The following AGPAT5 variants were observed in gnomAD, a reference collection of about 807,000 sequenced individuals.
AGPAT5 encodes the protein 1-acyl-sn-glycerol-3-phosphate acyltransferase epsilon.
A neutral mutation model predicts 45.6 loss-of-function variants in AGPAT5; 46 were observed. That is an observed-to-expected ratio of 1.01 (90% CI 0.80 to 1.29). The LOEUF (loss-of-function observed/expected upper bound fraction) is 1.29. AGPAT5 is among the 50% of genes most tolerant of loss of function. The pLI is 0.00. For missense variants in AGPAT5, 673 were observed against 450.7 expected, an observed-to-expected ratio of 1.49 and a Z score of -4.47; for synonymous variants, 272 against 167.0, an observed-to-expected ratio of 1.63 and a Z score of -4.85.
chr8:6,740,831 C>T (rs1460159999), intron 4 of AGPAT5, among the ~76,000 whole-genome samples: 1 of 152,090 alleles, frequency 6.6e-6, no homozygotes, highest in Non-Finnish European at 1.5e-5. Context: ...GTAGTTTTCT[C>T]CCATGAGCTC....
intron 1 of AGPAT5, among the ~76,000 whole-genome samples, chr8:6,709,785 G>A (rs1204487407): frequency 6.6e-6 from 1 of 151,710 alleles, no homozygotes; most frequent in Non-Finnish European, 1.5e-5. Flanking sequence ...TATTTAGTTT[G>A]CAGTTGCACT....
chr8:6,722,265 G>T (rs866864721), intron 1 of AGPAT5, among the ~76,000 whole-genome samples: 9 of 152,278 alleles, frequency 5.9e-5, no homozygotes, highest in South Asian at 2.1e-4. Flanking sequence ...GAAGGGCAGA[G>T]AATTCTTCCT....
rs530399892 is a variant in AGPAT5, at chr8:6,760,955, G to A, written c.*3567G>A. ...CAATCGCTAATTTACTCAGTTTAGA[G>A]TAGCTACAACTCTTCGATACTATCA... is the stretch of plus-strand genomic sequence containing the variant. On this transcript the variant is annotated 3_prime_UTR_variant, in exon 8 of 8. Coordinates refer to ENST00000285518, the MANE Select transcript of AGPAT5 (RefSeq NM_018361.5). Among the ~76,000 whole-genome samples the A allele has an allele frequency of 3.0e-4, 45 of 152,260 alleles. No individual in the cohort carries two copies. The highest frequency in any genetic ancestry group is 1.0e-3 in the African/African-American group (43 of 41,538).
intron 6 of AGPAT5, among the ~76,000 whole-genome samples, chr8:6,753,355 G>T (rs993788704): frequency 2.0e-5 from 3 of 152,198 alleles, no homozygotes; most frequent in African/African-American, 7.2e-5. Flanking sequence ...TTGACCAGGT[G>T]ATTACTTAAT....
At chr8:6,718,322 T>G (rs1800398486) in intron 1 of AGPAT5, among the ~76,000 whole-genome samples, 1 of 152,234 alleles carries the variant, frequency 6.6e-6, no homozygotes, top group Non-Finnish European at 1.5e-5. Context: ...TCCCCGTCAC[T>G]GCCTGGCTTT....
intron 2 of AGPAT5, among the ~76,000 whole-genome samples, chr8:6,726,603 A>T (rs1800694844): frequency 6.6e-6 from 1 of 152,174 alleles, no homozygotes; most frequent in Non-Finnish European, 1.5e-5. Context: ...ATTCCTTCAG[A>T]TTAAGGACTT....
At chr8:6,709,383 A>T (rs1221419606) in intron 1 of AGPAT5, 1 of 162,150 alleles carries the variant, frequency 6.2e-6, no homozygotes, top group East Asian at 1.9e-4. Context: ...TAACCGTAGA[A>T]GCCTAACTAG....
At chr8:6,756,609 CA>C (rs11300826) in intron 7 of AGPAT5, among the ~76,000 whole-genome samples, 87,352 of 123,196 alleles carry the variant, frequency 0.71, 28,969 homozygotes, top group East Asian at 0.83. Context: ...TGCCTTTTTT[CA>C]AAAAAAAAAA....
At chr8:6,709,098 G>T (rs544592481) in intron 1 of AGPAT5, 2 of 625,150 alleles carry the variant, frequency 3.2e-6, no homozygotes, top group Non-Finnish European at 5.7e-6. Context: ...GTCGTCCTGA[G>T]GCTACGAGTG....
chr8:6,734,294 T>G (rs1800967921), intron 4 of AGPAT5, among the ~76,000 whole-genome samples: 1 of 152,022 alleles, frequency 6.6e-6, no homozygotes. Context: ...CCCCCTCCCT[T>G]TTTTCTTTTT....
At chr8:6,744,500 A>G (rs553104860) in intron 5 of AGPAT5, among the ~76,000 whole-genome samples, 5 of 152,186 alleles carry the variant, frequency 3.3e-5, no homozygotes, top group Admixed American at 3.3e-4. Flanking sequence ...GCAGGGCTGC[A>G]GTCCTTTGTG....
At chr8:6,713,649 G>A (rs1800227537) in intron 1 of AGPAT5, among the ~76,000 whole-genome samples, 1 of 152,144 alleles carries the variant, frequency 6.6e-6, no homozygotes, top group Non-Finnish European at 1.5e-5. Flanking sequence ...CTGCCCCCGG[G>A]CTCAAGCGGT....
chr8:6,744,971 C>A (rs1049599380), intron 5 of AGPAT5, among the ~76,000 whole-genome samples: 2 of 152,234 alleles, frequency 1.3e-5, no homozygotes, highest in African/African-American at 4.8e-5. Flanking sequence ...TTCAGCCGAG[C>A]CAAGTCTGTG....
chr8:6,733,494 C>A (rs568753660), intron 4 of AGPAT5, among the ~76,000 whole-genome samples: 1 of 152,264 alleles, frequency 6.6e-6, no homozygotes, highest in South Asian at 2.1e-4. Context: ...TAGAACATTG[C>A]ATCTGTTTTG....
intron 2 of AGPAT5, among the ~76,000 whole-genome samples, chr8:6,728,555 G>A (rs943376046): frequency 3.9e-5 from 6 of 152,190 alleles, no homozygotes; most frequent in African/African-American, 1.4e-4. Context: ...AAGTTCTTGG[G>A]AGGGGCATGT....
intron 1 of AGPAT5, among the ~76,000 whole-genome samples, chr8:6,720,980 T>C (rs1800477474): frequency 1.3e-5 from 2 of 152,192 alleles, no homozygotes; most frequent in East Asian, 3.8e-4. Context: ...GAAGTACTAT[T>C]TTGAAAGCTT....
chr8:6,753,826 C>G (rs1479521525), intron 6 of AGPAT5, among the ~76,000 whole-genome samples: 3 of 152,150 alleles, frequency 2.0e-5, no homozygotes, highest in Non-Finnish European at 4.4e-5. Context: ...CCAGTTTACT[C>G]CTGGAAGTGT....
chr8:6,728,857 T>G (rs2116891159), intron 2 of AGPAT5, among the ~76,000 whole-genome samples: 1 of 152,318 alleles, frequency 6.6e-6, no homozygotes, highest in African/African-American at 2.4e-5. Context: ...TATTATTTCT[T>G]CCATCTAAAT....
In AGPAT5 at chr8:6,715,458, C is replaced by G. The variant is rs148950000; in HGVS notation, c.219+6571C>G. On this transcript the variant is annotated intron_variant, in intron 1 of 7. Coordinates refer to ENST00000285518, the MANE Select transcript of AGPAT5 (RefSeq NM_018361.5). The stretch of plus-strand genomic sequence containing the variant: ...AAAAGAAGAGGGTGGGTTAGTAACA[C>G]ACTCAGTCGCAGTTAGTGAGTGCTG... Among the ~76,000 whole-genome samples, 337 of 152,324 alleles carry G rather than the reference C, an allele frequency of 2.2e-3. 1 individual carries two copies. In the Middle Eastern group the frequency reaches 0.024, roughly 11 times the overall value.
Sources: allele counts gnomAD v4.1 joint callset (sites outside exome capture counted in the v4.1 genomes callset), GRCh38; gene constraint gnomAD v4.1.1; transcripts MANE v1.5; gene names NCBI Gene and HGNC (gene_info 2026-07-23, HGNC 2026-07-21).